Variants in SLC38A10 observed in about 807,000 individuals in gnomAD.
SLC38A10 encodes solute carrier family 38 member 10.
Under a neutral mutation model 81.0 loss-of-function variants are expected in SLC38A10, and 53 were observed. The ratio of observed to expected loss-of-function variants is 0.65; its 90% confidence interval spans 0.53 to 0.82. The LOEUF is 0.82. SLC38A10 is among the 40% of genes least tolerant of loss of function. The pLI is 0.00. For missense variants in SLC38A10, 1,471 were observed against 1,545.0 expected (o/e 0.95, Z 0.80); for synonymous variants, 665 against 655.3 (o/e 1.01, Z -0.23).
At chr17:81,255,277 G>A (rs1173855728) in intron 11 of SLC38A10, among the ~76,000 whole-genome samples, 2 of 152,284 alleles carry the variant, frequency 1.3e-5, no homozygotes, top group Admixed American at 6.5e-5. Flanking sequence ...CTTCATGCCC[G>A]GCGCTCTGCA....
intron 6 of SLC38A10, chr17:81,279,894 A>G (rs2063194634): frequency 9.6e-6 from 2 of 208,838 alleles, no homozygotes; most frequent in South Asian, 1.1e-4. Context: ...TGGATCTCGC[A>G]TGTGGGTGTA....
At position 81,295,042 on chromosome 17, in the gene SLC38A10, G is replaced by C. The variant is rs1598411174; in HGVS notation, c.-121C>G. 2 of 1,354,334 alleles carry C rather than the reference G, an allele frequency of 1.5e-6. No individual in the cohort carries two copies. The highest frequency in any genetic ancestry group is 6.3e-5 in the East Asian group (2 of 31,672). The allele number at this position is 1,354,334 out of a possible 1,614,324, so 83.9% of individuals were successfully genotyped here. ...CAACGTCCGGGACGCCGGTGGGGAG[G>C]GGATGGGCAGCCTGAACACGGGAGC... On this transcript the variant is annotated 5_prime_UTR_variant, in exon 1 of 16. Coordinates refer to ENST00000374759, the MANE Select transcript of SLC38A10 (RefSeq NM_001037984.3).
At chr17:81,272,055 G>C (rs1051745237) in intron 9 of SLC38A10, among the ~76,000 whole-genome samples, 2 of 149,252 alleles carry the variant, frequency 1.3e-5, no homozygotes, top group Non-Finnish European at 3.0e-5. Context: ...TTTTTGAGAC[G>C]AAGTTTCTCT....
In SLC38A10 at chr17:81,270,416, C is replaced by T. The variant is rs1010295847; in HGVS notation, c.1131+502G>A. On this transcript the variant is annotated intron_variant, in intron 10 of 15. Coordinates refer to ENST00000374759, the MANE Select transcript of SLC38A10 (RefSeq NM_001037984.3). The surrounding 1 kb of genome is among the most constrained non-coding windows in gnomAD (Gnocchi z 4.0). Reference sequence around the variant, plus strand: ...GAACCCATGAAACGGCTAAAAATAGCGAGGCAGCTCTGTGCCCACGGCTGT... The same window carrying T: ...GAACCCATGAAACGGCTAAAAATAGTGAGGCAGCTCTGTGCCCACGGCTGT... Among the ~76,000 whole-genome samples, 7 of 152,286 alleles carry T rather than the reference C, an allele frequency of 4.6e-5. No individual in the cohort carries two copies. Among genetic ancestry groups the T allele is most frequent in the African/African-American group, 1.7e-4 (7 of 41,554 alleles).
chr17:81,251,739 C>G (rs73358108), intron 13 of SLC38A10, 127 bp from the exon 14 acceptor site: 16,799 of 1,029,004 alleles, frequency 0.016, 307 homozygotes, highest in African/African-American at 0.083. Context: ...ACACCCCCGT[C>G]AGCACAGTTT....
At chr17:81,273,920 T>A (rs1353450602) in intron 8 of SLC38A10, among the ~76,000 whole-genome samples, 1 of 152,202 alleles carries the variant, frequency 6.6e-6, no homozygotes, top group African/African-American at 2.4e-5. Flanking sequence ...GCAGGTGGCA[T>A]GGCCGCAGCC....
chr17:81,294,880 G>A lies in SLC38A10; in HGVS notation c.42C>T (p.Asn14=), dbSNP rs1479723284. 3.1e-6 allele frequency: 5 copies of A among 1,596,922 alleles called. No individual in the cohort carries two copies. The highest frequency in any genetic ancestry group is 2.3e-5 in the South Asian group (2 of 88,648). Residue 14 remains asparagine, a synonymous_variant, in exon 1 of 16, where the codon AAC becomes AAT. Coordinates refer to ENST00000374759, the MANE Select transcript of SLC38A10 (RefSeq NM_001037984.3). ...AAASNWGLIT[N]IVNSIVGVSV... is the part of the protein sequence containing the mutation. ...TGACCCCTACGATGCTGTTCACGAT[G>A]TTCGTGATCAGCCCCCAGTTGGAGG...
chr17:81,268,932 AGGGAT>A (rs917796875), intron 10 of SLC38A10, among the ~76,000 whole-genome samples: 12 of 152,216 alleles, frequency 7.9e-5, no homozygotes, highest in Non-Finnish European at 1.8e-4. Flanking sequence ...TCAAAAGAAA[AGGGAT>A]GAAACAAGCT....
chr17:81,280,568 C>T, intron 6 of SLC38A10, 41 bp downstream of exon 6: 3 of 1,606,414 alleles, frequency 1.9e-6, no homozygotes, highest in Non-Finnish European at 2.6e-6. Flanking sequence ...CTCGCCCTCC[C>T]CGTCACAGAA....
At chr17:81,248,636 T>A (rs1172289376) in intron 14 of SLC38A10, among the ~76,000 whole-genome samples, 1 of 152,212 alleles carries the variant, frequency 6.6e-6, no homozygotes, top group African/African-American at 2.4e-5. Context: ...GCGAGAAGGA[T>A]GTTTTGTGAG....
rs1175468220 is a variant in SLC38A10 at position 81,246,986 on chromosome 17, C to A, written c.2141G>T (p.Arg714Leu). The A allele has an allele frequency of 6.2e-6, 10 of 1,606,138 alleles. No homozygotes were observed. The highest frequency in any genetic ancestry group is 8.5e-6 in the Non-Finnish European group (10 of 1,179,628). ...CAGCTTCTCCTGCTGGTCCAGCAAG[C>A]GCTTTTGCTGCACCTGCTGTTCTTT... ...VIKEQQVQQK[R>L]LLDQQEKLLA... The change falls in exon 15 of 16, where the codon CGC becomes CTC. Residue 714 changes from arginine to leucine, a missense_variant. Physicochemically the swap from Arg to Leu is moderately radical, Grantham distance 102 (BLOSUM62 -2). Around this residue, in one of 2 missense-constraint regions of SLC38A10, gnomAD observed 751 missense variants for 717.4 expected, o/e 1.05. Coordinates refer to ENST00000374759, the MANE Select transcript of SLC38A10 (RefSeq NM_001037984.3).
chr17:81,273,750 C>T (rs994939165), intron 8 of SLC38A10, among the ~76,000 whole-genome samples: 3 of 152,146 alleles, frequency 2.0e-5, no homozygotes, highest in African/African-American at 7.2e-5. Context: ...GGGACTTTAG[C>T]ACGAAGACTG....
intron 10 of SLC38A10, among the ~76,000 whole-genome samples, chr17:81,266,412 G>A (rs2063070515): frequency 6.6e-6 from 1 of 152,148 alleles, no homozygotes; most frequent in Non-Finnish European, 1.5e-5. Context: ...GAGGTCAGGA[G>A]ATCGAGACCA....
In SLC38A10 at chr17:81,245,374, T is replaced by G; in HGVS notation, c.*182A>C. 1 of 737,774 alleles carries G rather than the reference T, an allele frequency of 1.4e-6. No homozygotes were observed. Among genetic ancestry groups the G allele is most frequent in the Non-Finnish European group, 2.1e-6 (1 of 475,018 alleles). 45.7% of individuals were successfully genotyped at this position (737,774 alleles called of 1,614,324 possible). Reference sequence around the variant, plus strand: ...CTGCAACAGAACGACAGCAAGAACATTCTGGAAACGATGCCACAGTGAATC... The same window carrying G: ...CTGCAACAGAACGACAGCAAGAACAGTCTGGAAACGATGCCACAGTGAATC... On this transcript the variant is annotated 3_prime_UTR_variant, in exon 16 of 16. Coordinates refer to ENST00000374759, the MANE Select transcript of SLC38A10 (RefSeq NM_001037984.3).
chr17:81,259,862 G>T (rs1015540849), intron 11 of SLC38A10, among the ~76,000 whole-genome samples: 1 of 152,180 alleles, frequency 6.6e-6, no homozygotes, highest in Admixed American at 6.5e-5. Context: ...AGGCCTGATC[G>T]CCGACCCTGT....
At chr17:81,261,003 T>A (rs1598388042) in intron 10 of SLC38A10, among the ~76,000 whole-genome samples, 1 of 152,234 alleles carries the variant, frequency 6.6e-6, no homozygotes, top group African/African-American at 2.4e-5. Context: ...GCACCATGCA[T>A]GGGCACGGGG....
At chr17:81,251,829 T>G in intron 13 of SLC38A10, 1 of 542,914 alleles carries the variant, frequency 1.8e-6, no homozygotes, top group South Asian at 4.3e-5. Context: ...GAGCCAATGG[T>G]AACTGCCTTC....
At position 81,295,074 on chromosome 17, in the gene SLC38A10, A is replaced by AGGCGCG. The variant is rs1176703243; in HGVS notation, c.-159_-154dup. On this transcript the variant is annotated 5_prime_UTR_variant, in exon 1 of 16. Transcript: ENST00000374759. ...GCAGCCTGAACACGGGAGCCTGAGC[A>AGGCGCG]GGCGCGGGCGCGGGCCCCAGAGGCT... 3 of 1,263,496 alleles carry AGGCGCG rather than the reference A, an allele frequency of 2.4e-6. No individual in the cohort carries two copies. The highest frequency in any genetic ancestry group is 2.1e-5 in the South Asian group (1 of 47,322). 78.3% of individuals were successfully genotyped at this position (1,263,496 alleles called of 1,614,324 possible). A position where few individuals can be genotyped will look rare whatever the true frequency, so the allele number is the denominator to read the frequency against.
chr17:81,292,252 T>C (rs1231924914), intron 1 of SLC38A10, among the ~76,000 whole-genome samples: 1 of 152,014 alleles, frequency 6.6e-6, no homozygotes, highest in East Asian at 1.9e-4. Context: ...TCAGACTCCC[T>C]AGTAGCTGGG....
Sources: gnomAD v4.1 joint callset for allele counts (sites outside exome capture counted in the v4.1 genomes callset) on GRCh38, gnomAD v4.1.1 for gene constraint, gnomAD v4.1.1 regional missense constraint, Gnocchi (gnomAD v3.1) non-coding constraint, MANE v1.5 for transcripts, NCBI Gene and HGNC (gene_info 2026-07-23, HGNC 2026-07-21) for gene names.